The following UBTD2 variants were observed in gnomAD, a reference collection of about 807,000 sequenced individuals.
UBTD2 encodes ubiquitin domain containing 2.
In UBTD2, 9 loss-of-function variants were observed where a neutral mutation model predicts 19.8. The observed-to-expected ratio is 0.46, with a 90% CI of 0.27 to 0.79. The LOEUF (loss-of-function observed/expected upper bound fraction) is 0.79, where lower values mean the gene tolerates loss of function less well. Ranked by LOEUF, UBTD2 falls within the 30% of genes least tolerant of loss-of-function variation. The pLI, the probability that UBTD2 is intolerant of heterozygous loss-of-function variation, is 0.14. For synonymous variants in UBTD2, 98 were observed against 103.9 expected, an observed-to-expected ratio of 0.94 and a Z score of 0.35; for missense variants, 250 against 300.4, an observed-to-expected ratio of 0.83 and a Z score of 1.24.
chr5:172,231,311 T>TA (rs2113890384), intron 2 of UBTD2, among the ~76,000 whole-genome samples: 1 of 152,346 alleles, frequency 6.6e-6, no homozygotes, highest in East Asian at 1.9e-4. Context: ...CCCAGAATGT[T>TA]ATCACAGAGT....
intron 1 of UBTD2, among the ~76,000 whole-genome samples, chr5:172,281,817 A>G (rs577278716): frequency 6.6e-6 from 1 of 152,294 alleles, no homozygotes; most frequent in Non-Finnish European, 1.5e-5. Context: ...CCTCTCTCCA[A>G]AAGAAAATAA....
intron 1 of UBTD2, among the ~76,000 whole-genome samples, chr5:172,242,597 CAT>C (rs2113034347): frequency 6.6e-6 from 1 of 152,294 alleles, no homozygotes; most frequent in East Asian, 1.9e-4. Context: ...AAGAATTCTT[CAT>C]ATATGTCTTA....
rs538011931 is a variant in UBTD2, at chr5:172,254,755, A to AG, written c.71-20398dup. On this transcript the variant is annotated intron_variant, in intron 1 of 2. Coordinates refer to ENST00000393792, the MANE Select transcript of UBTD2 (RefSeq NM_152277.3). Reference sequence around the variant, plus strand: ...GTGGGGGGGAACACTGAGTTCATTAAGGGGGGGGTGACATTTCTTCAGGAT... The same window carrying AG: ...GTGGGGGGGAACACTGAGTTCATTAAGGGGGGGGGTGACATTTCTTCAGGAT... 2.8e-3 allele frequency: 676 copies of AG among 244,928 alleles called. 2 individuals are homozygous for AG. The highest frequency in any genetic ancestry group is 0.021 in the African/African-American group (526 of 25,238). The allele number at this position is 244,928 out of a possible 1,614,324, so 15.2% of individuals were successfully genotyped here. A position where few individuals can be genotyped will look rare whatever the true frequency, so the allele number is the denominator to read the frequency against.
At chr5:172,251,052 C>G (rs571016192) in intron 1 of UBTD2, among the ~76,000 whole-genome samples, 60 of 151,654 alleles carry the variant, frequency 4.0e-4, no homozygotes, top group Admixed American at 2.1e-3. Context: ...CGGTAGCTCA[C>G]GCCTGTAATC....
intron 1 of UBTD2, among the ~76,000 whole-genome samples, chr5:172,281,701 TATC>T (rs1755719730): frequency 6.6e-6 from 1 of 152,144 alleles, no homozygotes; most frequent in Admixed American, 6.6e-5. Context: ...AACTCTTAAT[TATC>T]ATGACAATAA....
intron 1 of UBTD2, among the ~76,000 whole-genome samples, chr5:172,264,572 A>C (rs369093209): frequency 0.018 from 2,737 of 149,324 alleles, 67 homozygotes; most frequent in African/African-American, 0.061. Context: ...AAAAAAAAAA[A>C]AAAACAAAAC....
intron 1 of UBTD2, among the ~76,000 whole-genome samples, chr5:172,243,554 C>CTTTTTCTTTT (rs1772174478): frequency 9.9e-6 from 1 of 101,072 alleles, no homozygotes; most frequent in Non-Finnish European, 1.8e-5. Flanking sequence ...TGTGAGAAAC[C>CTTTTTCTTTT]TTTTTTTTTT....
chr5:172,263,666 C>T (rs112559462), intron 1 of UBTD2, among the ~76,000 whole-genome samples: 2,274 of 152,006 alleles, frequency 0.015, 59 homozygotes, highest in African/African-American at 0.052. Flanking sequence ...CGGTGGCGGG[C>T]GCCTGTGGTC....
At chr5:172,244,976 G>A (rs1754847302) in intron 1 of UBTD2, among the ~76,000 whole-genome samples, 1 of 152,110 alleles carries the variant, frequency 6.6e-6, no homozygotes, top group Non-Finnish European at 1.5e-5. Context: ...TGATCCGCCT[G>A]CCTCGGCCTC....
intron 1 of UBTD2, among the ~76,000 whole-genome samples, chr5:172,260,320 C>T (rs1755241758): frequency 6.7e-6 from 1 of 150,036 alleles, no homozygotes; most frequent in African/African-American, 2.5e-5. Context: ...TCTTTCCTCC[C>T]TCTTCGAGCA....
At chr5:172,244,942 G>A (rs1200562971) in intron 1 of UBTD2, among the ~76,000 whole-genome samples, 14 of 152,024 alleles carry the variant, frequency 9.2e-5, no homozygotes, top group Non-Finnish European at 1.8e-4. Flanking sequence ...TGGCCAGGCT[G>A]GTCTATGAAC....
At chr5:172,230,155 G>A (rs570489466) in intron 2 of UBTD2, among the ~76,000 whole-genome samples, 34 of 152,196 alleles carry the variant, frequency 2.2e-4, no homozygotes, top group Middle Eastern at 6.8e-3. Context: ...AAAATATACC[G>A]TATGTGTATA....
At chr5:172,233,841 A>G (rs1045164970) in intron 2 of UBTD2, among the ~76,000 whole-genome samples, 2 of 151,830 alleles carry the variant, frequency 1.3e-5, no homozygotes, top group African/African-American at 4.8e-5. Flanking sequence ...AGAGGTCTTC[A>G]TGGAGGACTA....
intron 2 of UBTD2, among the ~76,000 whole-genome samples, chr5:172,233,832 G>A (rs1771955012): frequency 6.6e-6 from 1 of 151,564 alleles, no homozygotes. Flanking sequence ...GTGGAGGGAA[G>A]AGGTCTTCAT....
intron 1 of UBTD2, among the ~76,000 whole-genome samples, chr5:172,265,159 T>A (rs891250867): frequency 5.3e-5 from 8 of 152,130 alleles, no homozygotes; most frequent in African/African-American, 1.9e-4. Flanking sequence ...ACAAAATAAG[T>A]AGGAAGCTCT....
At chr5:172,247,597 T>A (rs1368089966) in intron 1 of UBTD2, among the ~76,000 whole-genome samples, 1 of 152,148 alleles carries the variant, frequency 6.6e-6, no homozygotes, top group Non-Finnish European at 1.5e-5. Context: ...GACAAACATT[T>A]TTACTAAAGA....
chr5:172,254,339 C>T (rs974100652), intron 1 of UBTD2: 23 of 215,384 alleles, frequency 1.1e-4, no homozygotes, highest in Admixed American at 4.3e-4. Context: ...ACCTCTGATC[C>T]GCCAGCCTCG....
At chr5:172,267,003 C>T (rs998307390) in intron 1 of UBTD2, among the ~76,000 whole-genome samples, 1 of 148,338 alleles carries the variant, frequency 6.7e-6, no homozygotes, top group South Asian at 2.1e-4. Flanking sequence ...TCTGATCACA[C>T]CACTGCACTC....
At chr5:172,231,890 T>C (rs2113891028) in intron 2 of UBTD2, among the ~76,000 whole-genome samples, 1 of 152,124 alleles carries the variant, frequency 6.6e-6, no homozygotes, top group East Asian at 1.9e-4. Context: ...AAAAGGTAAA[T>C]GGACTAAGAT....
Sources: gnomAD v4.1 joint callset for allele counts (sites outside exome capture counted in the v4.1 genomes callset) on GRCh38, gnomAD v4.1.1 for gene constraint, MANE v1.5 for transcripts, NCBI Gene and HGNC (gene_info 2026-07-23, HGNC 2026-07-21) for gene names.